PSPC1: variants seen among roughly 807,000 people sequenced by gnomAD.
PSPC1 encodes the protein paraspeckle protein 1.
Under a neutral mutation model 51.6 loss-of-function variants are expected in PSPC1, and 14 were observed. The ratio of observed to expected loss-of-function variants is 0.27; its 90% CI spans 0.18 to 0.42. The LOEUF (loss-of-function observed/expected upper bound fraction) is 0.42, where lower values mean the gene tolerates loss of function less well. PSPC1 is among the 10% of genes least tolerant of loss of function. PSPC1 has a pLI of 1.00. For missense variants in PSPC1, 406 were observed against 701.1 expected, an observed-to-expected ratio of 0.58 and a Z score of 4.75; for synonymous variants, 193 against 231.9, an observed-to-expected ratio of 0.83 and a Z score of 1.53.
At chr13:19,679,582 A>G (rs1460257571) in intron 6 of PSPC1, among the ~76,000 whole-genome samples, 1 of 152,218 alleles carries the variant, frequency 6.6e-6, no homozygotes, top group Non-Finnish European at 1.5e-5. Flanking sequence ...CCTTGTCATT[A>G]TTCCCTAAAC....
chr13:19,764,568 C>G (rs1207644476), intron 2 of PSPC1, among the ~76,000 whole-genome samples: 2 of 151,050 alleles, frequency 1.3e-5, no homozygotes, highest in Non-Finnish European at 2.9e-5. Context: ...TGCCTGTAAT[C>G]CCAGCACTCT....
chr13:19,711,709 T>C (rs1428994557), intron 6 of PSPC1, among the ~76,000 whole-genome samples: 1 of 149,006 alleles, frequency 6.7e-6, no homozygotes, highest in Non-Finnish European at 1.5e-5. Context: ...TGGGCAGTAG[T>C]GGCACATGCC....
At chr13:19,704,447 G>T (rs576958462) in intron 8 of PSPC1, among the ~76,000 whole-genome samples, 99 of 152,386 alleles carry the variant, frequency 6.5e-4, no homozygotes, top group African/African-American at 2.1e-3. Context: ...TGCTTTTAAC[G>T]TCTCTGATCA....
intron 2 of PSPC1, among the ~76,000 whole-genome samples, chr13:19,767,498 C>T (rs1002243993): frequency 2.0e-5 from 3 of 151,894 alleles, no homozygotes; most frequent in African/African-American, 7.3e-5. Flanking sequence ...TAAGCAAATA[C>T]AAAGAACCTA....
At chr13:19,768,135 G>A (rs747266399) in intron 2 of PSPC1, among the ~76,000 whole-genome samples, 1 of 151,868 alleles carries the variant, frequency 6.6e-6, no homozygotes, top group East Asian at 1.9e-4. Context: ...TGAGGAAGGA[G>A]AATCATTTGA....
At chr13:19,673,152 G>A, downstream of PSPC1, 1 of 453,972 alleles carries the variant, frequency 2.2e-6, no homozygotes, top group South Asian at 1.6e-5. Context: ...CACCGACTGG[G>A]AAGATGGGGC....
At chr13:19,713,545 CA>C (rs61024238) in intron 6 of PSPC1, among the ~76,000 whole-genome samples, 3,438 of 87,022 alleles carry the variant, frequency 0.04, 22 homozygotes, top group African/African-American at 0.049. Context: ...CCCAGACAGC[CA>C]AAAAAAAAAA....
chr13:19,677,524 C>T (rs188798533), intron 7 of PSPC1, among the ~76,000 whole-genome samples: 34 of 152,252 alleles, frequency 2.2e-4, no homozygotes, highest in African/African-American at 8.2e-4. Flanking sequence ...GGGTTTCCTA[C>T]GAAGACAGGC....
At chr13:19,721,422 C>G (rs1442493466) in intron 6 of PSPC1, among the ~76,000 whole-genome samples, 1 of 152,120 alleles carries the variant, frequency 6.6e-6, no homozygotes, top group Non-Finnish European at 1.5e-5. Flanking sequence ...AAAAATCTTA[C>G]CATTCTGAAC....
intron 5 of PSPC1, among the ~76,000 whole-genome samples, chr13:19,733,906 T>C (rs1884450476): frequency 6.6e-6 from 1 of 151,900 alleles, no homozygotes; most frequent in South Asian, 2.1e-4. Flanking sequence ...GGAGCCGTGA[T>C]CACACCACTG....
chr13:19,683,659 T>TA (rs1719237305), intron 6 of PSPC1, among the ~76,000 whole-genome samples: 1 of 152,186 alleles, frequency 6.6e-6, no homozygotes, highest in African/African-American at 2.4e-5. Context: ...AAATTATTTG[T>TA]AAGTTCATGT....
At chr13:19,726,994 T>C (rs766028760) in intron 6 of PSPC1, among the ~76,000 whole-genome samples, 9 of 152,206 alleles carry the variant, frequency 5.9e-5, no homozygotes, top group Non-Finnish European at 7.3e-5. Flanking sequence ...GCTTTAATAG[T>C]AAGTCAGGTA....
intron 1 of PSPC1, among the ~76,000 whole-genome samples, chr13:19,778,229 A>G (rs1232027745): frequency 6.6e-6 from 1 of 151,960 alleles, no homozygotes; most frequent in East Asian, 1.9e-4. Context: ...TGACAGAGCA[A>G]GATTCCGTCT....
intron 6 of PSPC1, among the ~76,000 whole-genome samples, chr13:19,729,276 C>T (rs1209181340): frequency 1.3e-5 from 2 of 151,824 alleles, no homozygotes; most frequent in African/African-American, 4.8e-5. Context: ...GTGGCTGACA[C>T]CTGTAATCCC....
rs746779056 is a variant in PSPC1, at chr13:19,772,439, A to C, written c.477T>G (p.Thr159=). ...IRFATHGAAL[T]VKNLSPVVSN... The stretch of plus-strand genomic sequence containing the variant: ...AAACAACTGGAGAAAGGTTCTTGAC[A>C]GTCAAGGCTGCTCCATGTGTAGCGA... Residue 159 remains threonine (T), a synonymous_variant, in exon 2 of 9, where the codon ACT becomes ACG. Transcript: ENST00000338910. 14 of 1,614,258 alleles carry C rather than the reference A, an allele frequency of 8.7e-6. No homozygotes were observed. Among genetic ancestry groups the C allele is most frequent in the Non-Finnish European group, 8.5e-6 (10 of 1,180,056 alleles).
intron 2 of PSPC1, among the ~76,000 whole-genome samples, chr13:19,770,571 T>G (rs539046624): frequency 2.6e-5 from 4 of 152,130 alleles, no homozygotes; most frequent in Admixed American, 6.6e-5. Flanking sequence ...GTGGATCACC[T>G]GAGGTCAGCA....
At chr13:19,766,846 C>T (rs1454802732) in intron 2 of PSPC1, among the ~76,000 whole-genome samples, 1 of 149,600 alleles carries the variant, frequency 6.7e-6, no homozygotes, top group Non-Finnish European at 1.5e-5. Flanking sequence ...CACACTGAGA[C>T]ATTGCCTCGA....
chr13:19,776,638 G>A (rs544723260), intron 1 of PSPC1, among the ~76,000 whole-genome samples: 1 of 151,908 alleles, frequency 6.6e-6, no homozygotes, highest in Non-Finnish European at 1.5e-5. Flanking sequence ...CTCCCGGGTA[G>A]CTGGGACTAC....
At chr13:19,673,971 A>AGTCT (rs886623969), downstream of PSPC1, among the ~76,000 whole-genome samples, 2 of 152,242 alleles carry the variant, frequency 1.3e-5, no homozygotes, top group African/African-American at 4.8e-5. Context: ...CGGATCTCCT[A>AGTCT]GTCTTTTCCC....
Sources: allele counts gnomAD v4.1 joint callset (sites outside exome capture counted in the v4.1 genomes callset), GRCh38; gene constraint gnomAD v4.1.1; transcripts MANE v1.5; gene names NCBI Gene and HGNC (gene_info 2026-07-23, HGNC 2026-07-21).